Variants in FAM135B observed in about 807,000 individuals in gnomAD.
FAM135B encodes the protein family with sequence similarity 135 member B.
A neutral mutation model predicts 127.7 loss-of-function variants in FAM135B; 43 were observed. The ratio of observed to expected loss-of-function variants is 0.34; its 90% CI spans 0.26 to 0.43. FAM135B has a LOEUF of 0.43. Among genes scored for constraint, FAM135B ranks in the 20% least tolerant of loss-of-function variants. The pLI, the probability that FAM135B is intolerant of heterozygous loss-of-function variation, is 1.00. For missense variants in FAM135B, 1,558 were observed against 1,725.6 expected (o/e 0.90, Z 1.72); for synonymous variants, 670 against 665.1 (o/e 1.01, Z -0.11).
intron 12 of FAM135B, among the ~76,000 whole-genome samples, chr8:138,161,422 C>G (rs752524717): frequency 2.6e-4 from 40 of 152,124 alleles, no homozygotes; most frequent in Non-Finnish European, 5.7e-4. Context: ...AAACAATAAC[C>G]TCTCATGTCT....
At position 138,151,760 on chromosome 8, in the gene FAM135B, C is replaced by A. The variant is rs2130741928; in HGVS notation, c.2715G>T (p.Lys905Asn). The A allele has an allele frequency of 2.5e-6, 4 of 1,614,134 alleles. No individual in the cohort carries two copies. Among genetic ancestry groups the A allele is most frequent in the Non-Finnish European group, 3.4e-6 (4 of 1,180,052 alleles). ...SLHRALEETP[K>N]GMPKDLNVGQ... Reference sequence around the variant, plus strand: ...CCACATTCAAGTCTTTAGGCATGCCCTTTGGGGTTTCCTCAAGTGCTCTAT... The same window carrying A: ...CCACATTCAAGTCTTTAGGCATGCCATTTGGGGTTTCCTCAAGTGCTCTAT... The change falls in exon 13 of 20, where the codon AAG becomes AAT. Residue 905 changes from lysine to asparagine, a missense_variant. By Grantham distance (94) the Lys-to-Asn change is moderately conservative. Coordinates refer to ENST00000395297, the MANE Select transcript of FAM135B (RefSeq NM_015912.4).
intron 9 of FAM135B, among the ~76,000 whole-genome samples, chr8:138,186,153 T>C (rs958876571): frequency 2.6e-5 from 4 of 152,166 alleles, no homozygotes; most frequent in Non-Finnish European, 1.5e-5. Flanking sequence ...CGCTCCTCCT[T>C]GCTCCTGCAG....
intron 3 of FAM135B, among the ~76,000 whole-genome samples, chr8:138,307,430 A>G (rs150302475): frequency 2.7e-3 from 410 of 152,220 alleles, no homozygotes; most frequent in African/African-American, 9.5e-3. Context: ...ACAGACTAAT[A>G]CAGCACCCCT....
intron 2 of FAM135B, among the ~76,000 whole-genome samples, chr8:138,366,560 T>C (rs1830750109): frequency 6.6e-6 from 1 of 152,190 alleles, no homozygotes; most frequent in Non-Finnish European, 1.5e-5. Flanking sequence ...CCTCCTTCCC[T>C]GAAACAGAAA....
chr8:138,437,194 G>C (rs1835503184), intron 1 of FAM135B: 1 of 152,208 alleles, frequency 6.6e-6, no homozygotes, highest in Non-Finnish European at 1.5e-5. Flanking sequence ...GTTTGGTAAT[G>C]ATATTGGTAG....
rs4909778 is a variant in FAM135B, at chr8:138,362,283, C to T, written c.77+5624G>A. On this transcript the variant is annotated intron_variant, in intron 2 of 19. Coordinates refer to ENST00000395297, the MANE Select transcript of FAM135B (RefSeq NM_015912.4). ...CTCTCACCATCCCCCACCCCCATAT[C>T]TTTTTTTTTTTTTTTTTTTTTACCA... Among the ~76,000 whole-genome samples, 44 of 99,174 alleles carry T rather than the reference C, an allele frequency of 4.4e-4. 7 individuals are homozygous for T. The highest frequency in any genetic ancestry group is 4.0e-4 in the Non-Finnish European group (21 of 52,394). 65.1% of individuals were successfully genotyped at this position (99,174 alleles called of 152,430 possible). A position where few individuals can be genotyped will look rare whatever the true frequency, so the allele number is the denominator to read the frequency against.
intron 1 of FAM135B, among the ~76,000 whole-genome samples, chr8:138,494,380 T>C (rs997341999): frequency 6.6e-6 from 1 of 152,172 alleles, no homozygotes; most frequent in Non-Finnish European, 1.5e-5. Context: ...GCACCTATCA[T>C]TGGGAAGCAT....
intron 1 of FAM135B, among the ~76,000 whole-genome samples, chr8:138,423,998 G>A (rs1256113412): frequency 1.3e-5 from 2 of 152,158 alleles, no homozygotes; most frequent in African/African-American, 4.8e-5. Flanking sequence ...CAGCTCACCA[G>A]CGGTTGGAGT....
chr8:138,160,977 G>A (rs1021201977), intron 12 of FAM135B, among the ~76,000 whole-genome samples: 2 of 152,160 alleles, frequency 1.3e-5, no homozygotes, highest in African/African-American at 4.8e-5. Context: ...TACCAGCGAT[G>A]AGACCTTGGA....
intron 1 of FAM135B, among the ~76,000 whole-genome samples, chr8:138,384,425 G>T (rs1832059807): frequency 6.6e-6 from 1 of 151,954 alleles, no homozygotes; most frequent in Non-Finnish European, 1.5e-5. Flanking sequence ...CCTATTATGT[G>T]CCCGGCTTCC....
rs995367379 is a variant in FAM135B, at chr8:138,407,488, C to T, written c.-19-39486G>A. Among the ~76,000 whole-genome samples, 572 of 152,276 alleles carry T rather than the reference C, an allele frequency of 3.8e-3. 4 individuals carry two copies. The highest frequency in any genetic ancestry group is 0.011 in the African/African-American group (473 of 41,542). On this transcript the variant is annotated intron_variant, in intron 1 of 19. Coordinates refer to ENST00000395297, the MANE Select transcript of FAM135B (RefSeq NM_015912.4). ...CAAAAGAACAAAGCCGGAGGCATCA[C>T]GCTACCTGACTTCAAACTATACTAC...
At chr8:138,286,106 A>G in intron 3 of FAM135B, among the ~76,000 whole-genome samples, 1 of 152,228 alleles carries the variant, frequency 6.6e-6, no homozygotes, top group East Asian at 1.9e-4. Context: ...AGTGCCATGA[A>G]TGTTAAAAAA....
At chr8:138,369,905 T>A (rs1228111426) in intron 1 of FAM135B, among the ~76,000 whole-genome samples, 5 of 152,130 alleles carry the variant, frequency 3.3e-5, no homozygotes, top group Admixed American at 3.3e-4. Context: ...CTTTCCATTA[T>A]CCCCAGTTCC....
chr8:138,239,680 C>T (rs1364748936), intron 7 of FAM135B, among the ~76,000 whole-genome samples: 4 of 152,166 alleles, frequency 2.6e-5, no homozygotes, highest in Non-Finnish European at 5.9e-5. Context: ...AATCATGCTG[C>T]TATAAAGACA....
rs115795848 is a variant in FAM135B at position 138,178,816 on chromosome 8, T to C, written c.874-126A>G. On this transcript the variant is annotated intron_variant, in intron 9 of 19. Coordinates refer to ENST00000395297, the MANE Select transcript of FAM135B (RefSeq NM_015912.4). Reference sequence around the variant, plus strand: ...GCACTCTCCTTTCTCTGTACATCTGTAGTATTATATATTACAACTCATAGT... The same window carrying C: ...GCACTCTCCTTTCTCTGTACATCTGCAGTATTATATATTACAACTCATAGT... The C allele has an allele frequency of 2.2e-3, 1,557 of 706,550 alleles. 16 individuals carry two copies. The highest frequency in any genetic ancestry group is 0.021 in the African/African-American group (1,171 of 55,910). 43.8% of individuals were successfully genotyped at this position (706,550 alleles called of 1,614,324 possible). A position where few individuals can be genotyped will look rare whatever the true frequency, so the allele number is the denominator to read the frequency against.
chr8:138,447,009 C>G lies in FAM135B; in HGVS notation c.-20+49662G>C, dbSNP rs1330734245. On this transcript the variant is annotated intron_variant, in intron 1 of 19. Coordinates refer to ENST00000395297, the MANE Select transcript of FAM135B (RefSeq NM_015912.4). ...AGTGGGCGAAGGATATGAACAGACA[C>G]TTCTCTAAAGAAGACATTTATGCAG... Among the ~76,000 whole-genome samples, 11 of 152,176 alleles carry G rather than the reference C, an allele frequency of 7.2e-5. No individual in the cohort carries two copies. The East Asian group carries it at 2.1e-3, about 29-fold the overall frequency.
chr8:138,447,940 T>C (rs1050493093), intron 1 of FAM135B, among the ~76,000 whole-genome samples: 2 of 151,776 alleles, frequency 1.3e-5, no homozygotes, highest in Non-Finnish European at 2.9e-5. Flanking sequence ...GTGACCATAC[T>C]CTTTAGGTCT....
chr8:138,361,154 C>T (rs1183437290), intron 2 of FAM135B, among the ~76,000 whole-genome samples: 1 of 152,138 alleles, frequency 6.6e-6, no homozygotes, highest in Non-Finnish European at 1.5e-5. Context: ...TCTCGAACTC[C>T]TGACCTCAGG....
At chr8:138,226,184 T>TGTGTGCGCGCGCGCGC in intron 7 of FAM135B, among the ~76,000 whole-genome samples, 30 of 139,268 alleles carry the variant, frequency 2.2e-4, no homozygotes, top group African/African-American at 6.2e-4. Context: ...TGTGTGTGTG[T>TGTGTGCGCGCGCGCGC]GCGCGCATGT....
Sources: gnomAD v4.1 joint callset for allele counts (sites outside exome capture counted in the v4.1 genomes callset) on GRCh38, gnomAD v4.1.1 for gene constraint, MANE v1.5 for transcripts, NCBI Gene and HGNC (gene_info 2026-07-23, HGNC 2026-07-21) for gene names.